SLC30A8: variants seen among roughly 807,000 people sequenced by gnomAD.
SLC30A8 encodes solute carrier family 30 member 8.
In SLC30A8, 27 loss-of-function variants were observed where a neutral mutation model predicts 36.9. The observed-to-expected ratio is 0.73, with a 90% CI of 0.54 to 1.01. The LOEUF (loss-of-function observed/expected upper bound fraction) is 1.01, where lower values mean the gene tolerates loss of function less well. Among genes scored for constraint, SLC30A8 ranks in the 50% least tolerant of loss-of-function variants. The probability of loss-of-function intolerance (pLI) is 0.00; values close to 1 mark genes in which losing one functional copy is unlikely to be tolerated. For missense variants in SLC30A8, 439 were observed against 452.0 expected (o/e 0.97, Z 0.26); for synonymous variants, 164 against 172.4 (o/e 0.95, Z 0.38).
chr8:117,080,329 CT>C (rs1433108945), intron 2 of SLC30A8, among the ~76,000 whole-genome samples: 1 of 151,648 alleles, frequency 6.6e-6, no homozygotes, highest in Non-Finnish European at 1.5e-5. Context: ...ATTATTTTTT[CT>C]TTTTCAATTT....
chr8:117,065,655 GT>G (rs1248406967), intron 2 of SLC30A8, among the ~76,000 whole-genome samples: 1 of 152,018 alleles, frequency 6.6e-6, no homozygotes, highest in Non-Finnish European at 1.5e-5. Flanking sequence ...CAGCCATTTT[GT>G]TTTTTGTGTC....
intron 1 of SLC30A8, among the ~76,000 whole-genome samples, chr8:116,971,028 G>A (rs533184670): frequency 7.5e-4 from 115 of 152,328 alleles, no homozygotes; most frequent in African/African-American, 2.7e-3. Flanking sequence ...CCAGCAGGCG[G>A]AGGTTGCAGT....
At chr8:116,956,544 A>G (rs1201947548) in intron 1 of SLC30A8, among the ~76,000 whole-genome samples, 1 of 152,232 alleles carries the variant, frequency 6.6e-6, no homozygotes, top group East Asian at 1.9e-4. Flanking sequence ...CTTACAACGA[A>G]AATACAATTC....
Position 117,050,512 on chromosome 8 carries a change from T to TC in SLC30A8, c.-226+11255dup, listed in dbSNP as rs1229007785. On this transcript the variant is annotated intron_variant, in intron 2 of 10. Transcript: ENST00000427715. The stretch of plus-strand genomic sequence containing the variant: ...CCTCTGCCTCCTGAGTTCAAGTGAT[T>TC]CTCCTGCCTCAGCCTCCAGAGTAGC... Among the ~76,000 whole-genome samples, 12 of 152,136 alleles carry TC rather than the reference T, an allele frequency of 7.9e-5. No homozygotes were observed. The East Asian group carries it at 2.1e-3, about 27-fold the overall frequency.
At chr8:116,963,819 A>T (rs933272786) in intron 1 of SLC30A8, among the ~76,000 whole-genome samples, 1 of 152,200 alleles carries the variant, frequency 6.6e-6, no homozygotes, top group Admixed American at 6.5e-5. Context: ...TATTTAGCTT[A>T]TTAAGGCACT....
intron 1 of SLC30A8, among the ~76,000 whole-genome samples, chr8:117,139,858 G>GT (rs1821564970): frequency 7.6e-6 from 1 of 131,838 alleles, no homozygotes; most frequent in Non-Finnish European, 1.6e-5. Context: ...ACAACATCTG[G>GT]TAAAAAAAAA....
intron 2 of SLC30A8, among the ~76,000 whole-genome samples, chr8:117,096,674 G>T (rs1312439961): frequency 6.6e-6 from 1 of 152,028 alleles, no homozygotes; most frequent in African/African-American, 2.4e-5. Context: ...ATAAACACCA[G>T]TTTAAACCCT....
intron 1 of SLC30A8, among the ~76,000 whole-genome samples, chr8:116,997,734 G>A (rs927199241): frequency 2.6e-5 from 4 of 152,140 alleles, no homozygotes; most frequent in African/African-American, 9.7e-5. Context: ...GTAGAAATAT[G>A]AGTAAATGAG....
chr8:117,037,503 G>GC (rs953894908), intron 1 of SLC30A8, among the ~76,000 whole-genome samples: 4 of 152,006 alleles, frequency 2.6e-5, no homozygotes, highest in Non-Finnish European at 4.4e-5. Flanking sequence ...CCATACCACT[G>GC]CCCCCCTCAC....
intron 1 of SLC30A8, among the ~76,000 whole-genome samples, chr8:116,990,513 A>G (rs543745529): frequency 6.6e-6 from 1 of 152,334 alleles, no homozygotes; most frequent in East Asian, 1.9e-4. Context: ...CAAATCTAGG[A>G]GAATTCTACA....
chr8:117,033,457 A>G (rs1817117565), intron 1 of SLC30A8, among the ~76,000 whole-genome samples: 2 of 152,236 alleles, frequency 1.3e-5, no homozygotes, highest in African/African-American at 2.4e-5. Flanking sequence ...GGTGGTTGCC[A>G]GACAGTAAGG....
At chr8:116,990,664 G>T (rs1344842812) in intron 1 of SLC30A8, among the ~76,000 whole-genome samples, 4 of 152,176 alleles carry the variant, frequency 2.6e-5, no homozygotes, top group African/African-American at 7.2e-5. Flanking sequence ...GAGAACATTT[G>T]TGGAAAACAG....
At chr8:117,165,290 G>A (rs1823002944) in intron 6 of SLC30A8, among the ~76,000 whole-genome samples, 1 of 152,166 alleles carries the variant, frequency 6.6e-6, no homozygotes, top group Non-Finnish European at 1.5e-5. Flanking sequence ...CACAGTAGGA[G>A]CTCAGTAAAT....
chr8:117,136,539 G>C (rs1367666260), intron 1 of SLC30A8, among the ~76,000 whole-genome samples: 1 of 151,952 alleles, frequency 6.6e-6, no homozygotes, highest in Non-Finnish European at 1.5e-5. Flanking sequence ...TAACAGCAAA[G>C]AGATTTTATA....
chr8:116,951,662 C>A (rs62512735), intron 1 of SLC30A8, among the ~76,000 whole-genome samples: 1 of 151,730 alleles, frequency 6.6e-6, no homozygotes, highest in Non-Finnish European at 1.5e-5. Context: ...TTGGTGATTC[C>A]TTGTATTTTT....
chr8:117,051,969 T>C (rs989922570), intron 2 of SLC30A8, among the ~76,000 whole-genome samples: 2 of 152,216 alleles, frequency 1.3e-5, no homozygotes, highest in Non-Finnish European at 2.9e-5. Flanking sequence ...ACCAGCGCTA[T>C]GCTTTGTGTA....
rs371203344 is a variant in SLC30A8, at chr8:116,991,133, CCTT to C, written c.-266+40018_-266+40020del. Among the ~76,000 whole-genome samples, 25 of 152,180 alleles carry C rather than the reference CCTT, an allele frequency of 1.6e-4. No individual in the cohort carries two copies. The East Asian group carries it at 3.5e-3, about 21-fold the overall frequency. The stretch of plus-strand genomic sequence containing the variant: ...ACCTTACTATAGAAGAATTTTTCCT[CCTT>C]CTTTTCCCTTTACGAATGAGATTCT... On this transcript the variant is annotated intron_variant, in intron 1 of 10. Coordinates refer to the SLC30A8 transcript ENST00000427715.
In SLC30A8 at chr8:117,171,060, G is replaced by T; in HGVS notation, c.856G>T (p.Gly286Cys). 6.2e-7 allele frequency: 1 copy of T among 1,609,048 alleles called. No individual in the cohort carries two copies. Among genetic ancestry groups the T allele is most frequent in the Non-Finnish European group, 8.5e-7 (1 of 1,177,664 alleles). ...EGVPKSLNYS[G>C]VKELILAVDG... The stretch of plus-strand genomic sequence containing the variant: ...TGTGCCAAAGAGCCTGAATTACAGT[G>T]GTGTGAAAGAGCTTATTTTAGCAGT... Residue 286 changes from glycine (G) to cysteine (C), a missense_variant, in exon 7 of 8, where the codon GGT (glycine) becomes TGT (cysteine). Gly to Cys is a radical substitution (Grantham distance 159, BLOSUM62 -3). Transcript: ENST00000456015.
At chr8:116,969,619 AG>A (rs1346625043) in intron 1 of SLC30A8, among the ~76,000 whole-genome samples, 1 of 152,216 alleles carries the variant, frequency 6.6e-6, no homozygotes, top group Non-Finnish European at 1.5e-5. Context: ...TAGATGGCAT[AG>A]CCTACCACAC....
Sources: gnomAD v4.1 joint callset for allele counts (sites outside exome capture counted in the v4.1 genomes callset) on GRCh38, gnomAD v4.1.1 for gene constraint, MANE v1.5 for transcripts, NCBI Gene and HGNC (gene_info 2026-07-23, HGNC 2026-07-21) for gene names.